MACF1: variants seen among roughly 807,000 people sequenced by gnomAD.
The protein encoded by MACF1 is microtubule actin crosslinking factor 1.
A neutral mutation model predicts 854.8 loss-of-function variants in MACF1; 193 were observed. The ratio of observed to expected loss-of-function variants is 0.23; its 90% CI spans 0.20 to 0.25. The LOEUF (loss-of-function observed/expected upper bound fraction) is 0.25, where lower values mean the gene tolerates loss of function less well. MACF1 is among the 10% of genes least tolerant of loss of function. The pLI, the probability that MACF1 is intolerant of heterozygous loss-of-function variation, is 1.00. For synonymous variants in MACF1, 3,185 were observed against 3,226.7 expected, an observed-to-expected ratio of 0.99 and a Z score of 0.44; for missense variants, 7,722 against 8,929.1, an observed-to-expected ratio of 0.86 and a Z score of 5.45.
At chr1:39,438,774 T>A (rs2148661392) in intron 71 of MACF1, among the ~76,000 whole-genome samples, 1 of 139,562 alleles carries the variant, frequency 7.2e-6, no homozygotes, top group South Asian at 2.3e-4. Context: ...TGAAATTCCC[T>A]CTCTCTAAAA....
At position 39,084,512 on chromosome 1, in the gene MACF1, G is replaced by C. The variant is rs1557442369; in HGVS notation, c.220+74G>C. On this transcript the variant is annotated intron_variant, in intron 2 of 93. Coordinates refer to the MACF1 transcript ENST00000361689. The surrounding 1 kb of genome is among the most constrained non-coding windows in gnomAD (Gnocchi z 5.2). ...ATGGGCCAGGGCACAGCAGCTGTGT[G>C]GGGAGCCGAGGGGTCCTCACCAGGG... 4 of 1,241,492 alleles carry C rather than the reference G, an allele frequency of 3.2e-6. No homozygotes were observed. The highest frequency in any genetic ancestry group is 4.5e-6 in the Non-Finnish European group (4 of 880,090). 76.9% of individuals were successfully genotyped at this position (1,241,492 alleles called of 1,614,324 possible).
intron 44 of MACF1, among the ~76,000 whole-genome samples, chr1:39,354,850 A>G (rs1251219347): frequency 6.6e-6 from 1 of 152,234 alleles, no homozygotes; most frequent in Admixed American, 6.5e-5. Flanking sequence ...GTCACTTCTT[A>G]CTGTTTATTT....
At chr1:39,085,564 C>T (rs1641650314) in intron 2 of MACF1, among the ~76,000 whole-genome samples, 1 of 152,170 alleles carries the variant, frequency 6.6e-6, no homozygotes, top group South Asian at 2.1e-4. Flanking sequence ...TGCCACCATC[C>T]TCCACGTGAC....
rs533523365 is a variant in MACF1 at position 39,361,758 on chromosome 1, A to T, written c.12771+81A>T. On this transcript the variant is annotated intron_variant, in intron 49 of 100. Transcript: ENST00000564288. ...AACCAGCATTTGCTGAGCGCATACT[A>T]CATCAGTCAGTATACTGGAAACTAC... 2.2e-6 allele frequency: 3 copies of T among 1,339,580 alleles called. No individual in the cohort carries two copies. The Admixed American group carries it at 5.5e-5, about 25-fold the overall frequency. 83.0% of individuals were successfully genotyped at this position (1,339,580 alleles called of 1,614,324 possible).
intron 2 of MACF1, among the ~76,000 whole-genome samples, chr1:39,093,404 C>T (rs1641859529): frequency 6.7e-6 from 1 of 148,672 alleles, no homozygotes; most frequent in Admixed American, 6.9e-5. Context: ...CAACCACCGC[C>T]TCCTGGGTTC....
At chr1:39,367,456 C>T (rs188010625) in intron 49 of MACF1, among the ~76,000 whole-genome samples, 10 of 151,754 alleles carry the variant, frequency 6.6e-5, no homozygotes, top group Admixed American at 1.3e-4. Context: ...ACCTTGGCCC[C>T]GAAAAGTGCT....
chr1:39,288,440 G>A (rs1212653064), intron 15 of MACF1, among the ~76,000 whole-genome samples: 1 of 151,398 alleles, frequency 6.6e-6, no homozygotes, highest in East Asian at 1.9e-4. Flanking sequence ...GAAGCTTGCA[G>A]TGAGCTGAGA....
chr1:39,296,012 A>G (rs1230781486), intron 20 of MACF1, 130 bp downstream of exon 20: 6 of 721,664 alleles, frequency 8.3e-6, no homozygotes, highest in Non-Finnish European at 1.4e-5. Flanking sequence ...TTAAAACAAT[A>G]GTCATTTAGA....
Position 39,335,157 on chromosome 1 carries a change from A to G in MACF1, c.8569A>G (p.Met2857Val). The change falls in exon 37 of 101, where the codon ATG (methionine) becomes GTG (valine). Residue 2857 changes from methionine (M) to valine (V), a missense_variant. Around this residue, in one of 15 missense-constraint regions of MACF1, gnomAD observed 854 missense variants for 852.6 expected, o/e 1.00. Coordinates refer to ENST00000564288, the MANE Select transcript of MACF1 (RefSeq NM_001394062.1). ...FGCKDQRKPR[M>V]SSDAKEFISI... ...GTGCAAGGATCAACGTAAGCCAAGA[A>G]TGTCTTCAGATGCTAAAGAATTTAT... 1.2e-6 allele frequency: 2 copies of G among 1,614,022 alleles called. No homozygotes were observed. Among genetic ancestry groups the G allele is most frequent in the South Asian group, 1.1e-5 (1 of 91,046 alleles).
chr1:39,369,961 A>T, intron 50 of MACF1, 69 bp from the exon 51 acceptor site: 1 of 1,420,038 alleles, frequency 7.0e-7, no homozygotes, highest in Non-Finnish European at 9.6e-7. Context: ...TCACAGAATG[A>T]ACTACTCTTA....
At chr1:39,223,467 G>C (rs1180755127) in intron 1 of MACF1, among the ~76,000 whole-genome samples, 2 of 151,900 alleles carry the variant, frequency 1.3e-5, no homozygotes, top group Non-Finnish European at 2.9e-5. Flanking sequence ...AGAAAGAATA[G>C]ATACAAGGTG....
intron 27 of MACF1, 107 bp from the exon 28 acceptor site, chr1:39,316,284 T>A: frequency 1.2e-6 from 1 of 857,338 alleles, no homozygotes; most frequent in Non-Finnish European, 1.7e-6. Context: ...ATGGTGACAT[T>A]GATTTTGGTT....
chr1:39,249,879 G>C (rs1645021386), intron 2 of MACF1, 135 bp from the exon 3 acceptor site: 2 of 522,606 alleles, frequency 3.8e-6, no homozygotes, highest in Non-Finnish European at 6.8e-6. Flanking sequence ...GAAACTTCCT[G>C]AATTTTATTA....
At chr1:39,412,381 A>C (rs756500345) in intron 58 of MACF1, 2 of 1,613,952 alleles carry the variant, frequency 1.2e-6, no homozygotes, top group African/African-American at 2.7e-5. Context: ...AAATGTGGTC[A>C]CTTGTGAATT....
At chr1:39,310,523 A>G (rs1646278862) in intron 25 of MACF1, 95 bp downstream of exon 25, 1 of 1,329,150 alleles carries the variant, frequency 7.5e-7, no homozygotes, top group African/African-American at 1.5e-5. Flanking sequence ...GAGTAACATC[A>G]CCACTTTTTT....
chr1:39,295,353 A>G (rs1292503535), intron 19 of MACF1, among the ~76,000 whole-genome samples: 2 of 152,216 alleles, frequency 1.3e-5, no homozygotes, highest in East Asian at 1.9e-4. Context: ...GGAAACTACT[A>G]AGAGAAACAA....
chr1:39,194,709 T>G (rs1351605283), intron 2 of MACF1, among the ~76,000 whole-genome samples: 1 of 103,454 alleles, frequency 9.7e-6, no homozygotes, highest in Non-Finnish European at 1.8e-5. Context: ...CTCCCTTCCC[T>G]TCTCTATTGT....
intron 52 of MACF1, among the ~76,000 whole-genome samples, chr1:39,376,436 T>C (rs1649725297): frequency 1.3e-5 from 2 of 152,212 alleles, no homozygotes; most frequent in South Asian, 2.1e-4. Context: ...TTGATATACA[T>C]TCGCTCATGA....
chr1:39,190,219 G>A (rs570484813), intron 2 of MACF1, among the ~76,000 whole-genome samples: 5 of 152,046 alleles, frequency 3.3e-5, no homozygotes, highest in Admixed American at 6.6e-5. Context: ...TTTGGTTTTA[G>A]TAATTAGGTA....
Sources: gnomAD v4.1 joint callset for allele counts (sites outside exome capture counted in the v4.1 genomes callset) on GRCh38, gnomAD v4.1.1 for gene constraint, gnomAD v4.1.1 regional missense constraint, Gnocchi (gnomAD v3.1) non-coding constraint, MANE v1.5 for transcripts, NCBI Gene and HGNC (gene_info 2026-07-23, HGNC 2026-07-21) for gene names.